Variants in CDC14A observed in about 807,000 individuals in gnomAD.
CDC14A encodes dual specificity protein phosphatase CDC14A.
In CDC14A, 53 loss-of-function variants were observed where a neutral mutation model predicts 74.4. That is an observed-to-expected ratio of 0.71 (90% CI 0.57 to 0.89). CDC14A has a LOEUF of 0.89. Ranked by LOEUF, CDC14A falls within the 40% of genes least tolerant of loss-of-function variation. CDC14A has a pLI of 0.00. For synonymous variants in CDC14A, 247 were observed against 258.4 expected (o/e 0.96, Z 0.43); for missense variants, 646 against 713.7 (o/e 0.91, Z 1.08).
At chr1:100,484,153 A>G in intron 10 of CDC14A, 139 bp from the exon 11 acceptor site, 2 of 492,976 alleles carry the variant, frequency 4.1e-6, no homozygotes, top group Non-Finnish European at 6.9e-6. Flanking sequence ...CTAAGATATC[A>G]TAATCTTTCT....
At chr1:100,391,149 TA>T (rs1289964865) in intron 4 of CDC14A, 1 of 335,866 alleles carries the variant, frequency 3.0e-6, no homozygotes, top group Non-Finnish European at 5.7e-6. Flanking sequence ...TGTGTATGTT[TA>T]AATGCATGAA....
At position 100,365,823 on chromosome 1, in the gene CDC14A, C is replaced by T. The variant is rs12046088; in HGVS notation, c.141-11723C>T. On this transcript the variant is annotated intron_variant, in intron 2 of 15. Transcript: ENST00000336454. ...ATTATGAGTTCAGCCATAATAATCA[C>T]GTCTCATACAGAAACTTTATCATCT... Among the ~76,000 whole-genome samples, 34 of 152,144 alleles carry T rather than the reference C, an allele frequency of 2.2e-4. No individual in the cohort carries two copies. The East Asian group carries it at 5.8e-3, about 26-fold the overall frequency.
chr1:100,450,640 G>A (rs1352720554), intron 7 of CDC14A, among the ~76,000 whole-genome samples: 6 of 152,120 alleles, frequency 3.9e-5, no homozygotes, highest in Non-Finnish European at 2.9e-5. Flanking sequence ...CCTGGCCACC[G>A]CAACTGCAAA....
intron 5 of CDC14A, among the ~76,000 whole-genome samples, chr1:100,426,355 C>T (rs1050965857): frequency 2.0e-5 from 3 of 152,138 alleles, no homozygotes; most frequent in Non-Finnish European, 4.4e-5. Context: ...TCAAGTGATC[C>T]ACTTGCATCA....
intron 10 of CDC14A, among the ~76,000 whole-genome samples, chr1:100,478,826 C>A (rs1435663672): frequency 6.6e-6 from 1 of 152,166 alleles, no homozygotes; most frequent in Admixed American, 6.5e-5. Flanking sequence ...AGAATTCTAA[C>A]TTTGTTGCAA....
At chr1:100,455,053 A>G (rs565563139) in intron 7 of CDC14A, among the ~76,000 whole-genome samples, 18 of 148,992 alleles carry the variant, frequency 1.2e-4, no homozygotes, top group African/African-American at 4.2e-4. Flanking sequence ...ACATTCATGG[A>G]AAGTTTTCAT....
At chr1:100,427,668 T>C (rs1248605789) in intron 5 of CDC14A, among the ~76,000 whole-genome samples, 1 of 152,228 alleles carries the variant, frequency 6.6e-6, no homozygotes, top group African/African-American at 2.4e-5. Flanking sequence ...TTTCCTATTG[T>C]GTCCTGAGGG....
chr1:100,375,698 T>C, intron 2 of CDC14A, among the ~76,000 whole-genome samples: 1 of 152,104 alleles, frequency 6.6e-6, no homozygotes, highest in African/African-American at 2.4e-5. Context: ...ACACTGTTGG[T>C]AGGACTGTAA....
At chr1:100,418,216 A>G (rs1214988853) in intron 4 of CDC14A, among the ~76,000 whole-genome samples, 1 of 152,154 alleles carries the variant, frequency 6.6e-6, no homozygotes, top group Non-Finnish European at 1.5e-5. Flanking sequence ...TATTGTTGTC[A>G]TTATTGTGAT....
chr1:100,439,159 G>A (rs1471244686), intron 5 of CDC14A, among the ~76,000 whole-genome samples: 1 of 152,180 alleles, frequency 6.6e-6, no homozygotes, highest in Non-Finnish European at 1.5e-5. Flanking sequence ...TTTCACCACG[G>A]TAGGTTCCCA....
At chr1:100,369,222 C>T (rs1353263779) in intron 2 of CDC14A, among the ~76,000 whole-genome samples, 1 of 152,072 alleles carries the variant, frequency 6.6e-6, no homozygotes, top group Non-Finnish European at 1.5e-5. Context: ...GATTCTCCTG[C>T]CTCAGCCTCC....
intron 9 of CDC14A, among the ~76,000 whole-genome samples, chr1:100,466,846 G>C (rs923332622): frequency 2.1e-5 from 3 of 142,330 alleles, no homozygotes; most frequent in African/African-American, 5.6e-5. Flanking sequence ...TTCCAGCCTG[G>C]GCAACAGCAG....
In CDC14A at chr1:100,365,862, C is replaced by T. The variant is rs777115454; in HGVS notation, c.141-11684C>T. Among the ~76,000 whole-genome samples, 30 of 151,148 alleles carry T rather than the reference C, an allele frequency of 2.0e-4. 1 individual carries two copies. The highest frequency in any genetic ancestry group is 1.0e-4 in the Non-Finnish European group (7 of 67,922). ...ACTTTATCATCTGACTGGAGGGGTGCGGATAGTATTCTAGTGATAGGGAAA... is the reference window on the plus strand; with the variant it reads ...ACTTTATCATCTGACTGGAGGGGTGTGGATAGTATTCTAGTGATAGGGAAA... On this transcript the variant is annotated intron_variant, in intron 2 of 15. Coordinates refer to ENST00000336454, the MANE Select transcript of CDC14A (RefSeq NM_003672.4).
chr1:100,494,793 C>A, intron 11 of CDC14A, 25 bp from the exon 12 acceptor site: 1 of 1,399,568 alleles, frequency 7.1e-7, no homozygotes, highest in Non-Finnish European at 1.0e-6. Context: ...TTTGACCTTT[C>A]TATGGAACGT....
At chr1:100,394,036 C>A in intron 4 of CDC14A, 1 of 256,528 alleles carries the variant, frequency 3.9e-6, no homozygotes. Context: ...TTCTGGGGAC[C>A]TCAGGTTTGC....
intron 2 of CDC14A, among the ~76,000 whole-genome samples, chr1:100,354,840 TCTGC>T (rs1424635460): frequency 3.3e-5 from 5 of 152,274 alleles, no homozygotes; most frequent in Admixed American, 6.5e-5. Context: ...TATTGGCAGT[TCTGC>T]CTAAGGATTT....
intron 14 of CDC14A, among the ~76,000 whole-genome samples, chr1:100,498,505 C>T (rs550649841): frequency 6.2e-4 from 94 of 152,274 alleles, no homozygotes; most frequent in Middle Eastern, 3.4e-3. Flanking sequence ...TCAGCTGACA[C>T]GTATAGGCAA....
chr1:100,470,946 G>A (rs7528709), intron 10 of CDC14A, among the ~76,000 whole-genome samples: 8,673 of 152,126 alleles, frequency 0.057, 835 homozygotes, highest in African/African-American at 0.2. Flanking sequence ...AAGGGAAATG[G>A]AAACATTTGT....
intron 10 of CDC14A, among the ~76,000 whole-genome samples, chr1:100,482,902 G>GGGCTCC (rs1196987544): frequency 1.3e-5 from 2 of 152,074 alleles, no homozygotes; most frequent in Non-Finnish European, 2.9e-5. Context: ...CTCCATCCGT[G>GGGCTCC]TTCCCATAAA....
Sources: gnomAD v4.1 joint callset for allele counts (sites outside exome capture counted in the v4.1 genomes callset) on GRCh38, gnomAD v4.1.1 for gene constraint, MANE v1.5 for transcripts, NCBI Gene and HGNC (gene_info 2026-07-23, HGNC 2026-07-21) for gene names.